The following SLITRK3 variants were observed in gnomAD, a reference collection of about 807,000 sequenced individuals.
SLITRK3 encodes the protein SLIT and NTRK-like protein 3.
In SLITRK3, 16 loss-of-function variants were observed where a neutral mutation model predicts 63.6. The ratio of observed to expected loss-of-function variants is 0.25; its 90% CI spans 0.17 to 0.38. The LOEUF is 0.38. SLITRK3 is among the 10% of genes least tolerant of loss of function. SLITRK3 has a pLI of 1.00. For missense variants in SLITRK3, 1,117 were observed against 1,181.4 expected, an observed-to-expected ratio of 0.95 and a Z score of 0.80; for synonymous variants, 547 against 451.6, an observed-to-expected ratio of 1.21 and a Z score of -2.68.
Position 165,188,457 on chromosome 3 carries a change from GGA to G in SLITRK3, c.2372_2373del (p.Leu791ProfsTer4). The G allele has an allele frequency of 6.2e-7, 1 of 1,613,740 alleles. No individual in the cohort carries two copies. Among genetic ancestry groups the G allele is most frequent in the Non-Finnish European group, 8.5e-7 (1 of 1,179,868 alleles). On this transcript the variant is annotated frameshift_variant, in exon 2 of 2. Coordinates refer to ENST00000475390, the MANE Select transcript of SLITRK3 (RefSeq NM_001318810.2). LOFTEE classifies it high-confidence loss of function. ...GTCTCAGCAAACTGCTCACTTCCTA[GGA>G]GAGCCTCACCCATTCCCGGTGGTTG... ...GTQPPGMGEALLGSEQFAETP... is the reference protein window; with the variant it reads ...GTQPPGMGEAXLGSEQFAETP...
chr3:165,189,883 A>G lies in SLITRK3; in HGVS notation c.948T>C (p.Ser316=), dbSNP rs1416579546. The G allele has an allele frequency of 2.5e-6, 4 of 1,614,218 alleles. No individual in the cohort carries two copies. In the South Asian group the frequency reaches 4.4e-5, roughly 18 times the overall value. Residue 316 remains serine, a synonymous_variant, in exon 2 of 2, where the codon TCT becomes TCC. Coordinates refer to ENST00000475390, the MANE Select transcript of SLITRK3 (RefSeq NM_001318810.2). The surrounding 1 kb of genome is among the most constrained non-coding windows in gnomAD (Gnocchi z 4.0). ...CGACAGAAGAAGCAGTAAAATGAAC[A>G]GAGGATAGCATTGAGGAAGGCTTAG... ...WPTKPSSMLS[S]VHFTASSVEY...
Position 165,187,799 on chromosome 3 carries a change from AGTTAC to A in SLITRK3, c.*93_*97del. ...AGGGTAGGAAAGATCGTGAGGATGG[AGTTAC>A]TGGGACAAGTGTAAAGGGAGCAAGG... On this transcript the variant is annotated 3_prime_UTR_variant, in exon 2 of 2. Transcript: ENST00000475390. 1.0e-6 allele frequency: 1 copy of A among 973,730 alleles called. No individual in the cohort carries two copies. Among genetic ancestry groups the A allele is most frequent in the South Asian group, 1.7e-5 (1 of 59,728 alleles). The allele number at this position is 973,730 out of a possible 1,614,324, so 60.3% of individuals were successfully genotyped here.
intron 1 of SLITRK3, 140 bp from the exon 2 acceptor site, chr3:165,190,991 A>T: frequency 1.7e-6 from 1 of 596,394 alleles, no homozygotes; most frequent in South Asian, 2.6e-5. Context: ...AGCTAGCAAC[A>T]TACTTAATGT....
In SLITRK3 at chr3:165,189,382, G is replaced by A. The variant is rs1488710975; in HGVS notation, c.1449C>T (p.His483=). Reference sequence around the variant, plus strand: ...TGACATTGAACTCAAAGTACAAGTAGTGCAAACTCTGTAGGCCTCGGAACA... The same window carrying A: ...TGACATTGAACTCAAAGTACAAGTAATGCAAACTCTGTAGGCCTCGGAACA... ...PGMFRGLQSL[H]YLYFEFNVIR... Residue 483 remains histidine (H), a synonymous_variant, in exon 2 of 2, where the codon CAC becomes CAT. Coordinates refer to ENST00000475390, the MANE Select transcript of SLITRK3 (RefSeq NM_001318810.2). The surrounding 1 kb of genome is among the most constrained non-coding windows in gnomAD (Gnocchi z 4.0). The A allele has an allele frequency of 6.2e-7, 1 of 1,613,924 alleles. No homozygotes were observed. The highest frequency in any genetic ancestry group is 8.5e-7 in the Non-Finnish European group (1 of 1,180,046).
chr3:165,190,519 C>G lies in SLITRK3; in HGVS notation c.312G>C (p.Val104=). 6.2e-7 allele frequency: 1 copy of G among 1,613,734 alleles called. No homozygotes were observed. The change falls in exon 2 of 2, where the codon GTG becomes GTC. Residue 104 remains valine (V), a synonymous_variant. Coordinates refer to ENST00000475390, the MANE Select transcript of SLITRK3 (RefSeq NM_001318810.2). ...TNSFLHLNNA[V]SINLGNNALQ... is the part of the protein sequence containing the mutation. ...ATGCATTGTTCCCAAGATTAATAGA[C>G]ACAGCATTATTCAAATGAAGAAAAC...
Position 165,188,204 on chromosome 3 carries a change from C to A in SLITRK3, c.2627G>T (p.Gly876Val). 6 of 1,613,806 alleles carry A rather than the reference C, an allele frequency of 3.7e-6. No individual in the cohort carries two copies. Among genetic ancestry groups the A allele is most frequent in the Non-Finnish European group, 5.1e-6 (6 of 1,179,962 alleles). The change falls in exon 2 of 2, where the codon GGA (glycine) becomes GTA (valine). Residue 876 changes from glycine to valine, a missense_variant. By Grantham distance (109) the Gly-to-Val change is moderately radical. This residue lies in a region of SLITRK3 where 499 missense variants were observed against 463.6 expected (regional missense o/e 1.08). Coordinates refer to ENST00000475390, the MANE Select transcript of SLITRK3 (RefSeq NM_001318810.2). ...NGGVVLFPPG[G>V]GCGSGSMLLD... ...TAGCATACTGCCACTACCACAGCCT[C>A]CCCCAGGAGGAAACAGCACCACCCC...
At chr3:165,192,214 T>TA (rs150152413) in intron 1 of SLITRK3, among the ~76,000 whole-genome samples, 65,953 of 151,658 alleles carry the variant, frequency 0.43, 16,465 homozygotes, top group Non-Finnish European at 0.57. Context: ...AAATAAATCT[T>TA]CACATTACAC....
At position 165,190,966 on chromosome 3, in the gene SLITRK3, G is replaced by C. The variant is rs2311800; in HGVS notation, c.-21-115C>G. 4 of 694,684 alleles carry C rather than the reference G, an allele frequency of 5.8e-6. No homozygotes were observed. In the South Asian group the frequency reaches 9.4e-5, roughly 16 times the overall value. 43.0% of individuals were successfully genotyped at this position (694,684 alleles called of 1,614,324 possible). On this transcript the variant is annotated intron_variant, in intron 1 of 1. Coordinates refer to ENST00000475390, the MANE Select transcript of SLITRK3 (RefSeq NM_001318810.2). ...TATAAAAACTTCAGCAATTGTTGAA[G>C]TGACACTCAAGATGAGCTAGCAACA...
At chr3:165,191,813 A>G (rs978615855) in intron 1 of SLITRK3, among the ~76,000 whole-genome samples, 4 of 152,216 alleles carry the variant, frequency 2.6e-5, no homozygotes, top group Admixed American at 2.0e-4. Context: ...GTGGGTAGTT[A>G]AAGTCAAGAG....
At chr3:165,191,164 T>C (rs527566727) in intron 1 of SLITRK3, among the ~76,000 whole-genome samples, 2 of 152,348 alleles carry the variant, frequency 1.3e-5, no homozygotes, top group East Asian at 1.9e-4. Flanking sequence ...ATATCGTACT[T>C]CCTTTTAGGC....
intron 1 of SLITRK3, among the ~76,000 whole-genome samples, chr3:165,191,135 A>G (rs1404264188): frequency 6.6e-6 from 1 of 152,236 alleles, no homozygotes; most frequent in East Asian, 1.9e-4. Flanking sequence ...GCCTCTGTAT[A>G]ACAAACAACA....
Position 165,188,320 on chromosome 3 carries a change from G to T in SLITRK3, c.2511C>A (p.His837Gln). The T allele has an allele frequency of 1.2e-6, 2 of 1,614,024 alleles. No individual in the cohort carries two copies. The highest frequency in any genetic ancestry group is 1.7e-6 in the Non-Finnish European group (2 of 1,179,998). ...LNTIVTVNHH[H>Q]PHHPAVGGVS... is the part of the protein sequence containing the mutation. ...CCCCACCAACTGCTGGGTGGTGAGG[G>T]TGATGGTGATTCACCGTCACTATGG... is the stretch of plus-strand genomic sequence containing the variant. Residue 837 changes from histidine to glutamine, a missense_variant, in exon 2 of 2, where the codon CAC becomes CAA. Physicochemically the swap from His to Gln is conservative, Grantham distance 24. This residue lies in a region of SLITRK3 where 499 missense variants were observed against 463.6 expected (regional missense o/e 1.08). Coordinates refer to ENST00000475390, the MANE Select transcript of SLITRK3 (RefSeq NM_001318810.2).
chr3:165,188,793 G>A lies in SLITRK3; in HGVS notation c.2038C>T (p.Arg680Ter). ...AAGGGCAGCTTCTTTCGACGCCTTC[G>A]GAGCACGTAGGCAAAGAGGCCTGCA... ...VAAGLFAYVLRRRRKKLPFRS... is the reference protein window; with the variant it reads ...VAAGLFAYVL The change falls in exon 2 of 2, where the codon CGA (arginine) becomes TGA (stop). Residue 680 changes from arginine to a stop codon, truncating the protein, a stop_gained. Transcript: ENST00000475390. LOFTEE classifies it high-confidence loss of function. The A allele has an allele frequency of 6.2e-7, 1 of 1,614,102 alleles. No individual in the cohort carries two copies. Among genetic ancestry groups the A allele is most frequent in the Non-Finnish European group, 8.5e-7 (1 of 1,180,034 alleles).
At position 165,187,437 on chromosome 3, in the gene SLITRK3, T is replaced by C. The variant is rs1032481982; in HGVS notation, c.*460A>G. On this transcript the variant is annotated 3_prime_UTR_variant, in exon 2 of 2. Transcript: ENST00000475390. ...TACATGTACAGAATCTGTGCCATGATGATAAGAAAGAAAGCCACAAATGAC... is the reference window on the plus strand; with the variant it reads ...TACATGTACAGAATCTGTGCCATGACGATAAGAAAGAAAGCCACAAATGAC... 6.6e-6 allele frequency: 1 copy of C among 152,570 alleles called. No homozygotes were observed. Among genetic ancestry groups the C allele is most frequent in the African/African-American group, 2.4e-5 (1 of 41,010 alleles). 9.5% of individuals were successfully genotyped at this position (152,570 alleles called of 1,614,324 possible).
chr3:165,190,225 G>A lies in SLITRK3; in HGVS notation c.606C>T (p.Asp202=). Residue 202 remains aspartate, a synonymous_variant, in exon 2 of 2, where the codon GAC becomes GAT. Transcript: ENST00000475390. ...LFKAVSLTHL[D]LRGNRLKVLF... ...GAACCTTTAACCTATTTCCACGTAG[G>A]TCCAAATGGGTTAAAGAGACAGCCT... The A allele has an allele frequency of 6.2e-7, 1 of 1,614,120 alleles. No homozygotes were observed. The highest frequency in any genetic ancestry group is 8.5e-7 in the Non-Finnish European group (1 of 1,180,028).
chr3:165,187,756 G>T lies in SLITRK3; in HGVS notation c.*141C>A. ...TACATCTGTATTCTCTAGTTATCATGCGGTTTTAGTTTTGTTCAGGGTAGG... is the reference window on the plus strand; with the variant it reads ...TACATCTGTATTCTCTAGTTATCATTCGGTTTTAGTTTTGTTCAGGGTAGG... On this transcript the variant is annotated 3_prime_UTR_variant, in exon 2 of 2. Coordinates refer to ENST00000475390, the MANE Select transcript of SLITRK3 (RefSeq NM_001318810.2). The T allele has an allele frequency of 1.6e-6, 1 of 632,754 alleles. No homozygotes were observed. Among genetic ancestry groups the T allele is most frequent in the Non-Finnish European group, 2.7e-6 (1 of 370,484 alleles). 39.2% of individuals were successfully genotyped at this position (632,754 alleles called of 1,614,324 possible). A position where few individuals can be genotyped will look rare whatever the true frequency, so the allele number is the denominator to read the frequency against.
At position 165,190,274 on chromosome 3, in the gene SLITRK3, G is replaced by A; in HGVS notation, c.557C>T (p.Pro186Leu). 2 of 1,614,102 alleles carry A rather than the reference G, an allele frequency of 1.2e-6. No homozygotes were observed. Among genetic ancestry groups the A allele is most frequent in the Non-Finnish European group, 8.5e-7 (1 of 1,180,004 alleles). The change falls in exon 2 of 2, where the codon CCC becomes CTC. Residue 186 changes from proline to leucine, a missense_variant. This residue lies in a region of SLITRK3 where 452 missense variants were observed against 495.3 expected (regional missense o/e 0.91). Transcript: ENST00000475390. The stretch of plus-strand genomic sequence containing the variant: ...CTTAAATAAATTGGTTGGAAGCATG[G>A]GGATGAGATTATCATTTAAAATCAG... ...RVLILNDNLIPMLPTNLFKAV... is the reference protein window; with the variant it reads ...RVLILNDNLILMLPTNLFKAV...
chr3:165,194,509 C>A lies in SLITRK3; in HGVS notation c.-22+1071G>T, dbSNP rs371150886. On this transcript the variant is annotated intron_variant, in intron 1 of 1. Transcript: ENST00000475390. ...CATTCTACCCTTAATATTCCAGACT[C>A]ACCCTATTGCTCCCATAGGTCTTAG... is the stretch of plus-strand genomic sequence containing the variant. Among the ~76,000 whole-genome samples the A allele has an allele frequency of 2.0e-5, 3 of 152,252 alleles. No homozygotes were observed. In the South Asian group the frequency reaches 6.2e-4, roughly 32 times the overall value.
rs1718001234 is a variant in SLITRK3, at chr3:165,187,596, G to A, written c.*301C>T. On this transcript the variant is annotated 3_prime_UTR_variant, in exon 2 of 2. Transcript: ENST00000475390. ...TGATCCCCAGTATATCTTATACATG[G>A]CACAGTCAAAGTCTCAAGTTTCAGT... 3.8e-6 allele frequency: 1 copy of A among 264,934 alleles called. No individual in the cohort carries two copies. Among genetic ancestry groups the A allele is most frequent in the Non-Finnish European group, 7.2e-6 (1 of 139,786 alleles). The allele number at this position is 264,934 out of a possible 1,614,324, so 16.4% of individuals were successfully genotyped here.
Sources: gnomAD v4.1 joint callset for allele counts (sites outside exome capture counted in the v4.1 genomes callset) on GRCh38, gnomAD v4.1.1 for gene constraint, gnomAD v4.1.1 regional missense constraint, Gnocchi (gnomAD v3.1) non-coding constraint, MANE v1.5 for transcripts, NCBI Gene and HGNC (gene_info 2026-07-23, HGNC 2026-07-21) for gene names.